Variants in MAP3K5 observed in about 807,000 individuals in gnomAD.
MAP3K5 encodes ASK-1.
In MAP3K5, 56 loss-of-function variants were observed where a neutral mutation model predicts 158.7. That is an observed-to-expected ratio of 0.35 (90% confidence interval 0.28 to 0.44). The LOEUF is 0.44. Among genes scored for constraint, MAP3K5 ranks in the 20% least tolerant of loss-of-function variants. The pLI is 1.00. For synonymous variants in MAP3K5, 579 were observed against 601.7 expected (o/e 0.96, Z 0.55); for missense variants, 1,294 against 1,674.8 (o/e 0.77, Z 3.97).
At chr6:136,595,793 G>C (rs1775601076) in intron 21 of MAP3K5, among the ~76,000 whole-genome samples, 1 of 152,108 alleles carries the variant, frequency 6.6e-6, no homozygotes, top group South Asian at 2.1e-4. Flanking sequence ...GAGGCAGGAG[G>C]ATTATCTCAT....
chr6:136,568,093 T>C (rs1562511255), intron 25 of MAP3K5, among the ~76,000 whole-genome samples: 1 of 152,176 alleles, frequency 6.6e-6, no homozygotes, highest in Non-Finnish European at 1.5e-5. Context: ...AAGGAAAGAA[T>C]GATCTAATTC....
At chr6:136,656,054 C>T in intron 10 of MAP3K5, 1 of 425,506 alleles carries the variant, frequency 2.4e-6, no homozygotes, top group South Asian at 2.4e-5. Flanking sequence ...TTAGGAAGTA[C>T]ACTCCACCAC....
At chr6:136,683,706 T>C (rs1780029843) in intron 7 of MAP3K5, among the ~76,000 whole-genome samples, 1 of 152,140 alleles carries the variant, frequency 6.6e-6, no homozygotes, top group South Asian at 2.1e-4. Context: ...TGTTTCCAAG[T>C]ATTGTGTAAA....
intron 25 of MAP3K5, among the ~76,000 whole-genome samples, chr6:136,577,298 A>G (rs1399271388): frequency 6.6e-6 from 1 of 152,212 alleles, no homozygotes; most frequent in Non-Finnish European, 1.5e-5. Context: ...GACTGACATC[A>G]CTTCATTTTG....
intron 1 of MAP3K5, among the ~76,000 whole-genome samples, chr6:136,753,321 A>C (rs1783307642): frequency 6.6e-6 from 1 of 152,154 alleles, no homozygotes; most frequent in South Asian, 2.1e-4. Flanking sequence ...ACTTTCTTTT[A>C]CCACAAAAGT....
intron 3 of MAP3K5, among the ~76,000 whole-genome samples, chr6:136,702,091 T>A (rs1383508229): frequency 1.3e-5 from 2 of 152,136 alleles, no homozygotes; most frequent in African/African-American, 2.4e-5. Context: ...GAGTCTTCGC[T>A]GAAAATACCT....
chr6:136,635,238 A>G (rs2129104285), intron 14 of MAP3K5, among the ~76,000 whole-genome samples: 1 of 152,128 alleles, frequency 6.6e-6, no homozygotes, highest in African/African-American at 2.4e-5. Context: ...TTCATTTTCA[A>G]TTTCTTTAAG....
At chr6:136,709,786 G>A (rs1422875450) in intron 2 of MAP3K5, among the ~76,000 whole-genome samples, 2 of 152,066 alleles carry the variant, frequency 1.3e-5, no homozygotes, top group Non-Finnish European at 2.9e-5. Context: ...AATCATTCCT[G>A]AGCCAGATGA....
intron 1 of MAP3K5, among the ~76,000 whole-genome samples, chr6:136,735,095 T>C (rs1472464795): frequency 6.6e-6 from 1 of 152,224 alleles, no homozygotes; most frequent in Non-Finnish European, 1.5e-5. Flanking sequence ...ATGGCTATGG[T>C]AGTTTAACTC....
intron 18 of MAP3K5, among the ~76,000 whole-genome samples, chr6:136,607,095 G>C (rs1583263266): frequency 2.0e-5 from 3 of 152,140 alleles, no homozygotes; most frequent in Admixed American, 2.0e-4. Flanking sequence ...CTACAAAATT[G>C]GTATGATTTC....
chr6:136,742,015 G>C (rs1446214959), intron 1 of MAP3K5, among the ~76,000 whole-genome samples: 1 of 152,104 alleles, frequency 6.6e-6, no homozygotes, highest in Non-Finnish European at 1.5e-5. Context: ...TAAATTGAGA[G>C]ATATTCCATG....
At chr6:136,654,698 G>A (rs893497072) in intron 10 of MAP3K5, among the ~76,000 whole-genome samples, 14 of 152,010 alleles carry the variant, frequency 9.2e-5, no homozygotes, top group African/African-American at 1.5e-4. Flanking sequence ...CGCCCACCTC[G>A]GTCTCCCAAA....
intron 25 of MAP3K5, among the ~76,000 whole-genome samples, chr6:136,568,223 G>A (rs1407563245): frequency 1.3e-5 from 2 of 152,200 alleles, no homozygotes; most frequent in Non-Finnish European, 2.9e-5. Context: ...ATATTTAAAA[G>A]TGTTTATACA....
intron 25 of MAP3K5, among the ~76,000 whole-genome samples, chr6:136,569,025 G>A (rs1774248235): frequency 6.6e-6 from 1 of 151,880 alleles, no homozygotes; most frequent in Non-Finnish European, 1.5e-5. Flanking sequence ...AGATATTCCT[G>A]GTTATACCTC....
intron 10 of MAP3K5, among the ~76,000 whole-genome samples, chr6:136,655,402 C>T (rs573957133): frequency 2.0e-5 from 3 of 152,192 alleles, no homozygotes; most frequent in Non-Finnish European, 4.4e-5. Flanking sequence ...GAGCTCAAGG[C>T]TTCATCTGGA....
rs909757418 is a variant in MAP3K5 at position 136,609,646 on chromosome 6, T to C, written c.2521+1636A>G. 2.0e-5 allele frequency among the ~76,000 whole-genome samples: 3 copies of C among 148,060 alleles called. No homozygotes were observed. The highest frequency in any genetic ancestry group is 7.5e-5 in the African/African-American group (3 of 39,880). On this transcript the variant is annotated intron_variant, in intron 18 of 29. Coordinates refer to ENST00000359015, the MANE Select transcript of MAP3K5 (RefSeq NM_005923.4). The surrounding 1 kb of genome is among the most constrained non-coding windows in gnomAD (Gnocchi z 4.4). ...TGTCTCTACCAAAAATACAAAAAAT[T>C]AGCCAGGCATGGAGGTGCGTGCCTA... is the stretch of plus-strand genomic sequence containing the variant.
At chr6:136,585,123 T>G (rs2129077420) in intron 23 of MAP3K5, among the ~76,000 whole-genome samples, 2 of 148,562 alleles carry the variant, frequency 1.3e-5, no homozygotes, top group South Asian at 4.3e-4. Flanking sequence ...TTTTTTGTTT[T>G]TTTTTAAGAG....
At chr6:136,561,421 G>C (rs1417357119) in intron 28 of MAP3K5, 112 bp downstream of exon 28, 1 of 714,276 alleles carries the variant, frequency 1.4e-6, no homozygotes, top group South Asian at 1.7e-5. Context: ...CAGGAGGGCA[G>C]GGCTGGGTCT....
At chr6:136,620,774 C>T (rs775599653) in intron 15 of MAP3K5, among the ~76,000 whole-genome samples, 39 of 152,204 alleles carry the variant, frequency 2.6e-4, no homozygotes, top group African/African-American at 9.2e-4. Context: ...ATTACAGGAG[C>T]ACTGCCTTAC....
Sources: allele counts gnomAD v4.1 joint callset (sites outside exome capture counted in the v4.1 genomes callset), GRCh38; gene constraint gnomAD v4.1.1; non-coding constraint Gnocchi (gnomAD v3.1); transcripts MANE v1.5; gene names NCBI Gene and HGNC (gene_info 2026-07-23, HGNC 2026-07-21).